PRIM2: variants seen among roughly 807,000 people sequenced by gnomAD.
PRIM2 encodes DNA primase subunit 2, also known as DNA primase large subunit.
In PRIM2, 39 loss-of-function variants were observed where a neutral mutation model predicts 67.3. That is an observed-to-expected ratio of 0.58 (90% CI 0.45 to 0.76). The LOEUF (loss-of-function observed/expected upper bound fraction) is 0.76. Ranked by LOEUF, PRIM2 falls within the 30% of genes least tolerant of loss-of-function variation. PRIM2 has a pLI of 0.00. For missense variants in PRIM2, 398 were observed against 598.7 expected, an observed-to-expected ratio of 0.66 and a Z score of 3.50; for synonymous variants, 143 against 198.7, an observed-to-expected ratio of 0.72 and a Z score of 2.36.
the PRIM2 span, among the ~76,000 whole-genome samples, chr6:57,260,846 G>A: frequency 6.6e-6 from 1 of 152,244 alleles, no homozygotes; most frequent in African/African-American, 2.4e-5. Context: ...AATAGCTACA[G>A]CAGAAGGAAA....
chr6:57,301,970 T>TATTCAGGATAGGC, the PRIM2 span, among the ~76,000 whole-genome samples: 2 of 152,226 alleles, frequency 1.3e-5, no homozygotes, highest in African/African-American at 4.8e-5. Flanking sequence ...CCATGGCACT[T>TATTCAGGATAGGC]ATTCAGGATA....
upstream of PRIM2, among the ~76,000 whole-genome samples, chr6:57,312,288 T>C (rs1767405990): frequency 1.3e-5 from 2 of 151,968 alleles, no homozygotes. Context: ...ATTGCTTGAG[T>C]CCAGAAGTTC....
At chr6:57,484,531 T>G (rs1329541104) in intron 7 of PRIM2, among the ~76,000 whole-genome samples, 2 of 152,194 alleles carry the variant, frequency 1.3e-5, no homozygotes, top group African/African-American at 4.8e-5. Context: ...CATGCTCTGG[T>G]CCCTGTGTGT....
intron 10 of PRIM2, among the ~76,000 whole-genome samples, chr6:57,556,697 A>G (rs1202912131): frequency 6.6e-6 from 1 of 152,240 alleles, no homozygotes; most frequent in African/African-American, 2.4e-5. Context: ...AAGACAACCT[A>G]GACAGTACCA....
intron 10 of PRIM2, among the ~76,000 whole-genome samples, chr6:57,558,987 GT>G (rs1775575459): frequency 6.6e-6 from 1 of 151,556 alleles, no homozygotes; most frequent in African/African-American, 2.4e-5. Flanking sequence ...AAATTAGCTG[GT>G]GATACAGGTG....
intron 5 of PRIM2, among the ~76,000 whole-genome samples, chr6:57,347,528 C>T (rs1423719088): frequency 6.6e-6 from 1 of 152,136 alleles, no homozygotes; most frequent in Non-Finnish European, 1.5e-5. Flanking sequence ...CTCACTGCAG[C>T]CTTGAACTCT....
intron 5 of PRIM2, among the ~76,000 whole-genome samples, chr6:57,346,683 A>G (rs1240815450): frequency 6.6e-6 from 1 of 152,134 alleles, no homozygotes; most frequent in Non-Finnish European, 1.5e-5. Flanking sequence ...AGTTCCCTGA[A>G]AAGTTAATTC....
At chr6:57,337,793 T>A (rs1244961072) in intron 5 of PRIM2, among the ~76,000 whole-genome samples, 1 of 151,444 alleles carries the variant, frequency 6.6e-6, no homozygotes, top group African/African-American at 2.4e-5. Context: ...ACATCACAAT[T>A]AGGATTAGAA....
the PRIM2 span, among the ~76,000 whole-genome samples, chr6:57,232,225 A>G: frequency 6.6e-6 from 1 of 152,232 alleles, no homozygotes; most frequent in Admixed American, 6.5e-5. Flanking sequence ...TGATGAGTCC[A>G]GATTCTGGTC....
At chr6:57,374,220 G>A (rs527644128) in intron 5 of PRIM2, among the ~76,000 whole-genome samples, 93 of 149,838 alleles carry the variant, frequency 6.2e-4, no homozygotes, top group Non-Finnish European at 1.2e-3. Context: ...TTGTAAATGG[G>A]ATTGCCTTCT....
chr6:57,226,239 T>C, the PRIM2 span, among the ~76,000 whole-genome samples: 1 of 152,164 alleles, frequency 6.6e-6, no homozygotes, highest in Non-Finnish European at 1.5e-5. Context: ...TTAGACATTA[T>C]GTGAAAGTAA....
intron 7 of PRIM2, among the ~76,000 whole-genome samples, chr6:57,418,383 G>GTTTTTTTTTTTTTTTTTTT (rs34491627): frequency 2.1e-5 from 1 of 47,234 alleles, no homozygotes. Flanking sequence ...TATGTGTGTG[G>GTTTTTTTTTTTTTTTTTTT]TTTTTTTTTT....
intron 7 of PRIM2, among the ~76,000 whole-genome samples, chr6:57,492,371 T>C (rs1249863628): frequency 8.6e-5 from 13 of 151,852 alleles, no homozygotes; most frequent in Non-Finnish European, 5.9e-5. Flanking sequence ...GGTGAAACCC[T>C]ATCTCTACTA....
intron 5 of PRIM2, among the ~76,000 whole-genome samples, chr6:57,370,746 G>A (rs960728447): frequency 4.8e-5 from 7 of 146,714 alleles, no homozygotes; most frequent in Non-Finnish European, 1.0e-4. Context: ...CTGCGCTGGA[G>A]TGCAGTGGTG....
At chr6:57,340,454 C>A (rs1347913426) in intron 5 of PRIM2, among the ~76,000 whole-genome samples, 1 of 152,134 alleles carries the variant, frequency 6.6e-6, no homozygotes, top group Non-Finnish European at 1.5e-5. Context: ...TTGGAACCAA[C>A]CCAAATGTCC....
intron 7 of PRIM2, among the ~76,000 whole-genome samples, chr6:57,459,883 A>G (rs1187765167): frequency 6.6e-6 from 1 of 152,210 alleles, no homozygotes; most frequent in Non-Finnish European, 1.5e-5. Context: ...CCAACTAACT[A>G]GGCATCATTA....
At chr6:57,287,754 A>G in the PRIM2 span, among the ~76,000 whole-genome samples, 2 of 149,862 alleles carry the variant, frequency 1.3e-5, no homozygotes, top group African/African-American at 4.9e-5. Context: ...CAGCACATGT[A>G]TCCCAGAACT....
intron 8 of PRIM2, among the ~76,000 whole-genome samples, chr6:57,524,044 A>G (rs1554349142): frequency 0.01 from 1,580 of 151,748 alleles, 28 homozygotes; most frequent in African/African-American, 0.036. Context: ...TTTGGGGGAA[A>G]CTCTAGTTTA....
chr6:57,577,909 A>G (rs1357266792), intron 10 of PRIM2, among the ~76,000 whole-genome samples: 1 of 152,188 alleles, frequency 6.6e-6, no homozygotes, highest in Non-Finnish European at 1.5e-5. Flanking sequence ...CTTTATTCAC[A>G]TTTTACCAGT....
Sources: allele counts gnomAD v4.1 joint callset (sites outside exome capture counted in the v4.1 genomes callset), GRCh38; gene constraint gnomAD v4.1.1; transcripts MANE v1.5; gene names NCBI Gene and HGNC (gene_info 2026-07-23, HGNC 2026-07-21).